The following SIK3 variants were observed in gnomAD, a reference collection of about 807,000 sequenced individuals.
The protein encoded by SIK3 is SIK family kinase 3, also known as serine/threonine-protein kinase SIK3.
SIK3 carries 28 observed loss-of-function variants against 144.2 expected under a neutral mutation model. That is an observed-to-expected ratio of 0.19 (90% CI 0.14 to 0.27). SIK3 has a LOEUF of 0.27. SIK3 is among the 10% of genes least tolerant of loss of function. The pLI is 1.00. For missense variants in SIK3, 1,319 were observed against 1,776.0 expected, an observed-to-expected ratio of 0.74 and a Z score of 4.62; for synonymous variants, 686 against 676.3, an observed-to-expected ratio of 1.01 and a Z score of -0.22.
chr11:116,902,310 T>C (rs191930468), intron 4 of SIK3, among the ~76,000 whole-genome samples: 46 of 152,354 alleles, frequency 3.0e-4, no homozygotes, highest in African/African-American at 1.1e-3. Context: ...TTTAGTAACC[T>C]TTCTAGCATG....
chr11:116,963,089 A>G (rs1221158681), intron 1 of SIK3, among the ~76,000 whole-genome samples: 1 of 152,176 alleles, frequency 6.6e-6, no homozygotes, highest in Admixed American at 6.5e-5. Context: ...AACCTGGCCC[A>G]AGTTACAAGG....
intron 1 of SIK3, among the ~76,000 whole-genome samples, chr11:117,047,128 G>T (rs756317707): frequency 2.6e-5 from 4 of 152,050 alleles, no homozygotes; most frequent in Non-Finnish European, 5.9e-5. Flanking sequence ...GTTTATTTAT[G>T]TTGGATTGTG....
chr11:117,097,361 A>C (rs1226415941), intron 1 of SIK3, among the ~76,000 whole-genome samples: 2 of 152,020 alleles, frequency 1.3e-5, no homozygotes, highest in Admixed American at 1.3e-4. Context: ...ACAACTAAAA[A>C]TAACCAGCAA....
rs561177952 is a variant in SIK3 at position 116,910,568 on chromosome 11, A to G, written c.617-13251T>C. Among the ~76,000 whole-genome samples the G allele has an allele frequency of 2.8e-4, 42 of 152,310 alleles. No homozygotes were observed. The South Asian group carries it at 7.7e-3, about 28-fold the overall frequency. ...ATCTTCTTTCACCATTCCAGAGCTC[A>G]TATCGCTCTAAGGAACACCGGAGTG... On this transcript the variant is annotated intron_variant, in intron 4 of 24. Transcript: ENST00000445177.
At chr11:116,930,280 T>A (rs1317899018) in intron 3 of SIK3, among the ~76,000 whole-genome samples, 2 of 152,122 alleles carry the variant, frequency 1.3e-5, no homozygotes, top group African/African-American at 4.8e-5. Flanking sequence ...ATTGGTTTGC[T>A]TTCACTGTAA....
At chr11:117,070,012 A>G (rs1280918675) in intron 1 of SIK3, among the ~76,000 whole-genome samples, 1 of 152,228 alleles carries the variant, frequency 6.6e-6, no homozygotes, top group Non-Finnish European at 1.5e-5. Flanking sequence ...GAACTAAGGC[A>G]TAGTGATAGG....
intron 4 of SIK3, among the ~76,000 whole-genome samples, chr11:116,917,544 C>T (rs1295122596): frequency 2.0e-5 from 3 of 151,924 alleles, no homozygotes; most frequent in Non-Finnish European, 4.4e-5. Flanking sequence ...CCCATCTCCA[C>T]AAAAAATTTA....
chr11:116,964,221 C>T (rs1161400377), intron 1 of SIK3, among the ~76,000 whole-genome samples: 1 of 152,028 alleles, frequency 6.6e-6, no homozygotes, highest in Non-Finnish European at 1.5e-5. Context: ...CACTATGTTG[C>T]CCAGGCTGGT....
At chr11:117,053,506 T>C (rs1953360511) in intron 1 of SIK3, among the ~76,000 whole-genome samples, 1 of 152,150 alleles carries the variant, frequency 6.6e-6, no homozygotes. Context: ...AAGACTAATA[T>C]TACTCATTTG....
At chr11:116,880,862 G>C (rs559479246) in intron 6 of SIK3, among the ~76,000 whole-genome samples, 1 of 152,242 alleles carries the variant, frequency 6.6e-6, no homozygotes, top group Admixed American at 6.5e-5. Context: ...GGTGGCTCAC[G>C]TCTGTAATCC....
At chr11:116,850,098 G>C (rs1456511354) in intron 21 of SIK3, among the ~76,000 whole-genome samples, 2 of 152,082 alleles carry the variant, frequency 1.3e-5, no homozygotes, top group Non-Finnish European at 2.9e-5. Context: ...CTTACTCCTG[G>C]TGCTGAATCT....
rs1444204207 is a variant in SIK3 at position 116,867,880 on chromosome 11, G to A, written c.1952+66C>T. On this transcript the variant is annotated intron_variant, in intron 15 of 24. Transcript: ENST00000445177. This position sits in a 1 kb window ranked among gnomAD's most constrained non-coding sequence, Gnocchi z 4.1. ...ACGATGCTAGTCACCGTCGCTGTGA[G>A]ACTAATCAGAAGGGTGCCTGTCCGA... 3 of 1,426,460 alleles carry A rather than the reference G, an allele frequency of 2.1e-6. No homozygotes were observed. The highest frequency in any genetic ancestry group is 5.8e-5 in the Admixed American group (2 of 34,646). 88.4% of individuals were successfully genotyped at this position (1,426,460 alleles called of 1,614,324 possible). A position where few individuals can be genotyped will look rare whatever the true frequency, so the allele number is the denominator to read the frequency against.
intron 21 of SIK3, among the ~76,000 whole-genome samples, chr11:116,852,786 T>A (rs1427928641): frequency 6.6e-6 from 1 of 152,170 alleles, no homozygotes; most frequent in Non-Finnish European, 1.5e-5. Flanking sequence ...AACAAATGAC[T>A]CAGGGAAACT....
intron 1 of SIK3, among the ~76,000 whole-genome samples, chr11:117,053,603 C>A (rs1373566519): frequency 6.6e-6 from 1 of 152,052 alleles, no homozygotes; most frequent in Non-Finnish European, 1.5e-5. Flanking sequence ...GGCAGTCTGG[C>A]TCCAAACTCA....
chr11:116,881,958 A>G (rs963516216), intron 6 of SIK3, among the ~76,000 whole-genome samples: 2 of 127,470 alleles, frequency 1.6e-5, no homozygotes, highest in Admixed American at 1.5e-4. Context: ...CCAAAGCAGA[A>G]TACAAATTCT....
chr11:116,864,153 G>C, intron 15 of SIK3: 1 of 177,628 alleles, frequency 5.6e-6, no homozygotes, highest in Non-Finnish European at 1.2e-5. Context: ...CTGTACAGAA[G>C]CTCTTGCTTT....
At chr11:116,926,747 G>A (rs1043616946) in intron 4 of SIK3, among the ~76,000 whole-genome samples, 1 of 152,188 alleles carries the variant, frequency 6.6e-6, no homozygotes, top group Non-Finnish European at 1.5e-5. Context: ...CAGGCCGGGT[G>A]TGGTGGCTCA....
chr11:116,897,549 C>G (rs1465324225), intron 4 of SIK3, among the ~76,000 whole-genome samples: 2 of 152,114 alleles, frequency 1.3e-5, no homozygotes, highest in East Asian at 3.8e-4. Context: ...AGTACTGCTC[C>G]CTTCATAAAC....
intron 1 of SIK3, among the ~76,000 whole-genome samples, chr11:116,998,331 C>T (rs1950738394): frequency 6.6e-6 from 1 of 151,938 alleles, no homozygotes; most frequent in South Asian, 2.1e-4. Context: ...ATTAGCCAGG[C>T]ATGGTGGCGC....
Sources: gnomAD v4.1 joint callset for allele counts (sites outside exome capture counted in the v4.1 genomes callset) on GRCh38, gnomAD v4.1.1 for gene constraint, Gnocchi (gnomAD v3.1) non-coding constraint, MANE v1.5 for transcripts, NCBI Gene and HGNC (gene_info 2026-07-23, HGNC 2026-07-21) for gene names.